Variants in SCUBE1 observed in about 807,000 individuals in gnomAD.
SCUBE1 encodes the protein signal peptide, CUB domain and EGF like domain containing 1.
Under a neutral mutation model 124.4 loss-of-function variants are expected in SCUBE1, and 59 were observed. That is an observed-to-expected ratio of 0.47 (90% CI 0.38 to 0.59). The LOEUF (loss-of-function observed/expected upper bound fraction) is 0.59. SCUBE1 is among the 20% of genes least tolerant of loss of function. The pLI is 0.00. For missense variants in SCUBE1, 1,150 were observed against 1,371.2 expected (o/e 0.84, Z 2.55); for synonymous variants, 545 against 550.9 (o/e 0.99, Z 0.15).
intron 6 of SCUBE1, among the ~76,000 whole-genome samples, chr22:43,240,466 C>A (rs1323954629): frequency 1.3e-5 from 2 of 152,210 alleles, no homozygotes; most frequent in Non-Finnish European, 2.9e-5. Flanking sequence ...AAGGTGTCAT[C>A]CTTCCTCAGG....
At chr22:43,285,575 G>A (rs978372541) in intron 4 of SCUBE1, among the ~76,000 whole-genome samples, 1 of 152,200 alleles carries the variant, frequency 6.6e-6, no homozygotes, top group African/African-American at 2.4e-5. Flanking sequence ...AAGAGGCAGA[G>A]CCCAACAGTT....
intron 3 of SCUBE1, among the ~76,000 whole-genome samples, chr22:43,292,731 G>C (rs763363076): frequency 1.3e-5 from 2 of 152,206 alleles, no homozygotes; most frequent in Admixed American, 6.5e-5. Context: ...GGAGCGATTT[G>C]AGCCAGGTCC....
chr22:43,302,151 G>T (rs909361866), intron 3 of SCUBE1, among the ~76,000 whole-genome samples: 2 of 152,256 alleles, frequency 1.3e-5, no homozygotes, highest in East Asian at 3.8e-4. Flanking sequence ...CGAGAGTGGG[G>T]AGCTTGTGCG....
chr22:43,336,833 C>CTTCAGA (rs1259433696), intron 2 of SCUBE1, among the ~76,000 whole-genome samples: 2 of 152,136 alleles, frequency 1.3e-5, no homozygotes, highest in African/African-American at 4.8e-5. Context: ...AATGATTAGC[C>CTTCAGA]TTCAGATTTA....
chr22:43,204,816 T>C (rs1222043206), intron 21 of SCUBE1, among the ~76,000 whole-genome samples: 2 of 151,642 alleles, frequency 1.3e-5, no homozygotes, highest in Non-Finnish European at 2.9e-5. Flanking sequence ...TGGTGGCGCA[T>C]GCCTGTAATC....
chr22:43,217,485 C>G (rs1458931974), intron 15 of SCUBE1, among the ~76,000 whole-genome samples: 1 of 152,090 alleles, frequency 6.6e-6, no homozygotes, highest in Non-Finnish European at 1.5e-5. Flanking sequence ...CCCCCTCCAT[C>G]TCATGCTCCT....
intron 21 of SCUBE1, among the ~76,000 whole-genome samples, chr22:43,207,087 ATG>A (rs1921321874): frequency 6.6e-6 from 1 of 152,096 alleles, no homozygotes; most frequent in Non-Finnish European, 1.5e-5. Flanking sequence ...AGTACCCACC[ATG>A]TGACACACCA....
At position 43,212,423 on chromosome 22, in the gene SCUBE1, A is replaced by T; in HGVS notation, c.2221+2T>A. On this transcript the variant is annotated splice_donor_variant, in intron 17 of 21. Coordinates refer to ENST00000360835, the MANE Select transcript of SCUBE1 (RefSeq NM_173050.5). LOFTEE classifies it high-confidence loss of function. The stretch of plus-strand genomic sequence containing the variant: ...CGGGCGTGGTGGGGAGGGCATGCTC[A>T]CCTTTAGCCTCGCAGTCCTGGAAGG... 6.5e-7 allele frequency: 1 copy of T among 1,549,852 alleles called. No individual in the cohort carries two copies. Among genetic ancestry groups the T allele is most frequent in the Non-Finnish European group, 8.7e-7 (1 of 1,146,754 alleles).
intron 3 of SCUBE1, among the ~76,000 whole-genome samples, chr22:43,307,462 G>A (rs1032142916): frequency 4.6e-5 from 7 of 152,218 alleles, no homozygotes; most frequent in Non-Finnish European, 7.3e-5. Context: ...GGAGAGCTGC[G>A]CAGACAACGA....
At chr22:43,300,213 C>T (rs1601872299) in intron 3 of SCUBE1, among the ~76,000 whole-genome samples, 1 of 151,822 alleles carries the variant, frequency 6.6e-6, no homozygotes, top group African/African-American at 2.4e-5. Flanking sequence ...TTACCACGGG[C>T]GACACCGTTT....
chr22:43,261,111 T>C (rs756215805), intron 5 of SCUBE1, among the ~76,000 whole-genome samples: 6 of 152,276 alleles, frequency 3.9e-5, no homozygotes, highest in Non-Finnish European at 7.3e-5. Flanking sequence ...CATGCATTTT[T>C]GACCTTGGCC....
At chr22:43,319,579 AAG>A (rs1491044932) in intron 3 of SCUBE1, among the ~76,000 whole-genome samples, 3 of 151,130 alleles carry the variant, frequency 2.0e-5, no homozygotes, top group Non-Finnish European at 4.4e-5. Flanking sequence ...AAAAAAAAAA[AAG>A]AAGAGGAGAT....
Position 43,238,725 on chromosome 22 carries a change from C to G in SCUBE1, c.844+113G>C, listed in dbSNP as rs770175683. The G allele has an allele frequency of 5.8e-6, 5 of 861,680 alleles. No homozygotes were observed. In the Admixed American group the frequency reaches 8.6e-5, roughly 15 times the overall value. The allele number at this position is 861,680 out of a possible 1,614,324, so 53.4% of individuals were successfully genotyped here. On this transcript the variant is annotated intron_variant, in intron 7 of 21. Coordinates refer to ENST00000360835, the MANE Select transcript of SCUBE1 (RefSeq NM_173050.5). ...AATGATTGCCACGTGTCCTTTCCCACAGCTACACGTGGCCCCCGTTCAGCC... is the reference window on the plus strand; with the variant it reads ...AATGATTGCCACGTGTCCTTTCCCAGAGCTACACGTGGCCCCCGTTCAGCC...
At chr22:43,309,319 C>A (rs116736882) in intron 3 of SCUBE1, among the ~76,000 whole-genome samples, 2,098 of 152,294 alleles carry the variant, frequency 0.014, 66 homozygotes, top group African/African-American at 0.048. Context: ...TTACCAGCCC[C>A]ACCTCATGCA....
intron 4 of SCUBE1, among the ~76,000 whole-genome samples, chr22:43,281,465 ACCC>A (rs1433297779): frequency 2.7e-5 from 2 of 73,270 alleles, no homozygotes; most frequent in Non-Finnish European, 2.3e-5. Flanking sequence ...TCCCTCAGCC[ACCC>A]TCCTGTCACC....
chr22:43,293,715 G>GTCACGGT (rs1300238214), intron 3 of SCUBE1, among the ~76,000 whole-genome samples: 1 of 152,356 alleles, frequency 6.6e-6, no homozygotes, highest in East Asian at 1.9e-4. Context: ...CCCCTCTCAT[G>GTCACGGT]TCACGGTTGT....
At chr22:43,315,567 G>A (rs1446027309) in intron 3 of SCUBE1, among the ~76,000 whole-genome samples, 1 of 152,150 alleles carries the variant, frequency 6.6e-6, no homozygotes, top group African/African-American at 2.4e-5. Context: ...TTGGAACCAA[G>A]GTCCGGCTTC....
chr22:43,264,753 G>A (rs1474764763), intron 4 of SCUBE1, among the ~76,000 whole-genome samples: 1 of 152,210 alleles, frequency 6.6e-6, no homozygotes, highest in Non-Finnish European at 1.5e-5. Context: ...AATGCCTGCT[G>A]GGCAGCCCCC....
intron 4 of SCUBE1, among the ~76,000 whole-genome samples, chr22:43,288,632 A>C (rs1264344191): frequency 6.6e-6 from 1 of 152,004 alleles, no homozygotes; most frequent in Admixed American, 6.5e-5. Flanking sequence ...CTTTCTCATC[A>C]GCTCCAGCAC....
Sources: allele counts gnomAD v4.1 joint callset (sites outside exome capture counted in the v4.1 genomes callset), GRCh38; gene constraint gnomAD v4.1.1; transcripts MANE v1.5; gene names NCBI Gene and HGNC (gene_info 2026-07-23, HGNC 2026-07-21).